The following GJB7 variants were observed in gnomAD, a reference collection of about 807,000 sequenced individuals.
The protein encoded by GJB7 is gap junction beta-7 protein.
For missense variants in GJB7, 253 were observed against 256.8 expected (o/e 0.99, Z 0.10); for synonymous variants, 87 against 95.2 (o/e 0.91, Z 0.50).
intron 2 of GJB7, among the ~76,000 whole-genome samples, chr6:87,287,338 G>A (rs750153210): frequency 5.3e-5 from 8 of 152,178 alleles, no homozygotes; most frequent in Admixed American, 2.6e-4. Context: ...GAGTGGAAAC[G>A]GGGAGTTAAG....
chr6:87,314,058 A>T (rs1235263822), intron 2 of GJB7, among the ~76,000 whole-genome samples: 1 of 152,232 alleles, frequency 6.6e-6, no homozygotes, highest in Non-Finnish European at 1.5e-5. Flanking sequence ...TCCCCTAAAT[A>T]GCTATACATT....
At chr6:87,289,775 C>T (rs997744507) in intron 2 of GJB7, among the ~76,000 whole-genome samples, 16 of 152,222 alleles carry the variant, frequency 1.1e-4, no homozygotes, top group Non-Finnish European at 7.3e-5. Context: ...TCTTGCCCAA[C>T]ACTGGAGGCT....
In GJB7 at chr6:87,318,951, C is replaced by G. The variant is rs149049294; in HGVS notation, c.-28+3915G>C. On this transcript the variant is annotated intron_variant, in intron 2 of 2. Transcript: ENST00000525899. ...TATGATTTTTATTAAATATTGTCAACCAACTATTCTTGCCTGAATTTTAAA... is the reference window on the plus strand; with the variant it reads ...TATGATTTTTATTAAATATTGTCAAGCAACTATTCTTGCCTGAATTTTAAA... Among the ~76,000 whole-genome samples the G allele has an allele frequency of 9.5e-3, 1,452 of 152,290 alleles. 32 individuals carry two copies. Among genetic ancestry groups the G allele is most frequent in the African/African-American group, 0.034 (1,401 of 41,540 alleles).
intron 2 of GJB7, among the ~76,000 whole-genome samples, chr6:87,295,831 T>C (rs1776242281): frequency 6.6e-6 from 1 of 152,226 alleles, no homozygotes; most frequent in Non-Finnish European, 1.5e-5. Context: ...GCATTAAATA[T>C]GTTCTAAGCA....
intron 2 of GJB7, chr6:87,322,480 T>G (rs1461567747): frequency 2.0e-5 from 3 of 152,166 alleles, no homozygotes; most frequent in African/African-American, 7.3e-5. Context: ...ACTGGATGGG[T>G]CCCCGCAGCC....
At chr6:87,321,071 T>C (rs1391346508) in intron 2 of GJB7, among the ~76,000 whole-genome samples, 2 of 151,870 alleles carry the variant, frequency 1.3e-5, no homozygotes, top group East Asian at 1.9e-4. Context: ...ATGCAAAAAT[T>C]AGCTAGGCTT....
At chr6:87,293,500 G>A (rs116111227) in intron 2 of GJB7, among the ~76,000 whole-genome samples, 1 of 151,332 alleles carries the variant, frequency 6.6e-6, no homozygotes, top group East Asian at 1.9e-4. Flanking sequence ...CCAGAATATC[G>A]ATCCAGTTCC....
intron 2 of GJB7, among the ~76,000 whole-genome samples, chr6:87,293,491 C>G (rs1416746375): frequency 1.3e-5 from 2 of 152,010 alleles, no homozygotes; most frequent in South Asian, 4.1e-4. Context: ...CCCAGGATCC[C>G]AGAATATCGA....
intron 2 of GJB7, chr6:87,291,836 A>T (rs901777968): frequency 6.6e-6 from 1 of 152,206 alleles, no homozygotes; most frequent in African/African-American, 2.4e-5. Flanking sequence ...AAACTACAAG[A>T]AATGCAATTT....
intron 2 of GJB7, among the ~76,000 whole-genome samples, chr6:87,314,187 A>G (rs57650129): frequency 7.2e-4 from 109 of 152,294 alleles, no homozygotes; most frequent in Middle Eastern, 3.4e-3. Flanking sequence ...TATCTGGGTA[A>G]ATATAAGGCC....
chr6:87,302,939 G>A lies in GJB7; in HGVS notation c.-27-18000C>T, dbSNP rs1431891126. On this transcript the variant is annotated intron_variant, in intron 2 of 2. Coordinates refer to ENST00000525899, the MANE Select transcript of GJB7 (RefSeq NM_198568.3). ...TGTCCAGCCAAACTAAGCTTCATAAGTGAAGGAGAAATAAAATCCTTTACA... is the reference window on the plus strand; with the variant it reads ...TGTCCAGCCAAACTAAGCTTCATAAATGAAGGAGAAATAAAATCCTTTACA... 2.6e-5 allele frequency among the ~76,000 whole-genome samples: 4 copies of A among 152,190 alleles called. No homozygotes were observed. In the East Asian group the frequency reaches 7.7e-4, roughly 29 times the overall value.
At chr6:87,310,101 A>G (rs1365143905) in intron 2 of GJB7, among the ~76,000 whole-genome samples, 1 of 152,210 alleles carries the variant, frequency 6.6e-6, no homozygotes, top group South Asian at 2.1e-4. Flanking sequence ...TTGGAAATCC[A>G]TATGGAAAAA....
chr6:87,304,697 C>T (rs1426744414), intron 2 of GJB7, among the ~76,000 whole-genome samples: 7 of 152,170 alleles, frequency 4.6e-5, no homozygotes, highest in Admixed American at 1.3e-4. Context: ...CATCCTGATA[C>T]CAAAGCCTGG....
At chr6:87,295,090 C>G (rs1206628246) in intron 2 of GJB7, among the ~76,000 whole-genome samples, 1 of 151,664 alleles carries the variant, frequency 6.6e-6, no homozygotes, top group East Asian at 1.9e-4. Context: ...CAACACTGAC[C>G]TTTGGTTGTA....
chr6:87,304,609 G>T (rs1224289276), intron 2 of GJB7, among the ~76,000 whole-genome samples: 1 of 152,122 alleles, frequency 6.6e-6, no homozygotes, highest in African/African-American at 2.4e-5. Context: ...AGGAGGAGTT[G>T]GTACCATTCC....
chr6:87,304,745 T>C (rs1023511396), intron 2 of GJB7, among the ~76,000 whole-genome samples: 4 of 152,108 alleles, frequency 2.6e-5, no homozygotes, highest in African/African-American at 9.7e-5. Context: ...TAGACCAATA[T>C]CCCTGATGAA....
chr6:87,307,545 C>T (rs1480085047), intron 2 of GJB7, among the ~76,000 whole-genome samples: 1 of 152,016 alleles, frequency 6.6e-6, no homozygotes, highest in African/African-American at 2.4e-5. Context: ...AACAAGCAAC[C>T]CCATCAAAAA....
chr6:87,315,254 C>T (rs928567209), intron 2 of GJB7, among the ~76,000 whole-genome samples: 4 of 152,128 alleles, frequency 2.6e-5, no homozygotes, highest in Non-Finnish European at 5.9e-5. Flanking sequence ...GGAACTGCAC[C>T]TCCACAATTA....
chr6:87,324,149 A>T (rs956633958), intron 1 of GJB7, among the ~76,000 whole-genome samples: 1 of 151,986 alleles, frequency 6.6e-6, no homozygotes, highest in African/African-American at 2.4e-5. Context: ...AATTTGCTTG[A>T]GTTGATTGTA....
Sources: allele counts gnomAD v4.1 joint callset (sites outside exome capture counted in the v4.1 genomes callset), GRCh38; gene constraint gnomAD v4.1.1; transcripts MANE v1.5; gene names NCBI Gene and HGNC (gene_info 2026-07-23, HGNC 2026-07-21).